OSBPL9: variants seen among roughly 807,000 people sequenced by gnomAD.
OSBPL9 encodes the protein oxysterol binding protein like 9.
A neutral mutation model predicts 106.6 loss-of-function variants in OSBPL9; 40 were observed. That is an observed-to-expected ratio of 0.38 (90% CI 0.29 to 0.49). The LOEUF (loss-of-function observed/expected upper bound fraction) is 0.49, where lower values mean the gene tolerates loss of function less well. Ranked by LOEUF, OSBPL9 falls within the 20% of genes least tolerant of loss-of-function variation. The probability of loss-of-function intolerance (pLI) is 0.97; values close to 1 mark genes in which losing one functional copy is unlikely to be tolerated. For synonymous variants in OSBPL9, 269 were observed against 295.4 expected, an observed-to-expected ratio of 0.91 and a Z score of 0.92; for missense variants, 609 against 887.2, an observed-to-expected ratio of 0.69 and a Z score of 3.98.
intron 4 of OSBPL9, among the ~76,000 whole-genome samples, chr1:51,744,759 T>C (rs1391168039): frequency 6.6e-6 from 1 of 152,160 alleles, no homozygotes; most frequent in African/African-American, 2.4e-5. Flanking sequence ...CAGAGAAGAT[T>C]AAGAACTCAA....
At chr1:51,763,757 A>G (rs1330250256) in intron 11 of OSBPL9, among the ~76,000 whole-genome samples, 2 of 152,176 alleles carry the variant, frequency 1.3e-5, no homozygotes, top group Non-Finnish European at 2.9e-5. Flanking sequence ...ATGAAATTGA[A>G]ATATTTTGGC....
At chr1:51,549,307 ATTCT>A in the OSBPL9 span, among the ~76,000 whole-genome samples, 1 of 152,158 alleles carries the variant, frequency 6.6e-6, no homozygotes, top group East Asian at 1.9e-4. Context: ...ACACTCATGC[ATTCT>A]TTAAGAGCCG....
rs375509078 is a variant in OSBPL9, at chr1:51,642,024, T to C, written c.112-9967T>C. ...GATGGTAGCTAGCGTAAAGGCCAAA[T>C]GTTTTTTTTTCCTTTGAGGCAGGTT... is the stretch of plus-strand genomic sequence containing the variant. On this transcript the variant is annotated intron_variant, in intron 1 of 23. Transcript: ENST00000428468. Among the ~76,000 whole-genome samples, 9 of 152,266 alleles carry C rather than the reference T, an allele frequency of 5.9e-5. No individual in the cohort carries two copies. The South Asian group carries it at 1.9e-3, about 32-fold the overall frequency.
At chr1:51,681,049 T>G (rs968456680) in intron 3 of OSBPL9, among the ~76,000 whole-genome samples, 7 of 152,194 alleles carry the variant, frequency 4.6e-5, no homozygotes, top group Admixed American at 3.9e-4. Flanking sequence ...TTTTTTTATA[T>G]CCTCCTTTTT....
At chr1:51,643,943 G>T (rs1645976328) in intron 1 of OSBPL9, among the ~76,000 whole-genome samples, 1 of 151,792 alleles carries the variant, frequency 6.6e-6, no homozygotes, top group African/African-American at 2.4e-5. Flanking sequence ...AGCTGGGTGT[G>T]GTGGCACATG....
At chr1:51,725,693 T>G (rs2148924084) in intron 4 of OSBPL9, among the ~76,000 whole-genome samples, 1 of 152,282 alleles carries the variant, frequency 6.6e-6, no homozygotes, top group Non-Finnish European at 1.5e-5. Flanking sequence ...GGGTATATAT[T>G]AAATACTTTC....
chr1:51,736,039 A>G (rs1557766938), intron 4 of OSBPL9, among the ~76,000 whole-genome samples: 1 of 152,116 alleles, frequency 6.6e-6, no homozygotes, highest in Non-Finnish European at 1.5e-5. Flanking sequence ...TAGTTCCTTG[A>G]TTACTTTTTG....
At chr1:51,698,394 A>G (rs1048676315) in intron 3 of OSBPL9, among the ~76,000 whole-genome samples, 13 of 152,196 alleles carry the variant, frequency 8.5e-5, no homozygotes, top group African/African-American at 3.1e-4. Flanking sequence ...CAGACAGAAA[A>G]ATATCAATGT....
At chr1:51,638,540 T>C (rs1645592556) in intron 1 of OSBPL9, among the ~76,000 whole-genome samples, 1 of 151,566 alleles carries the variant, frequency 6.6e-6, no homozygotes, top group Non-Finnish European at 1.5e-5. Flanking sequence ...CTGAGCAACA[T>C]AGTGAGACTC....
In OSBPL9 at chr1:51,782,526, A is replaced by T. The variant is rs776697502; in HGVS notation, c.1429-33A>T. The T allele has an allele frequency of 9.4e-6, 15 of 1,599,576 alleles. No individual in the cohort carries two copies. The South Asian group carries it at 1.7e-4, about 18-fold the overall frequency. On this transcript the variant is annotated intron_variant, in intron 16 of 23. Coordinates refer to ENST00000428468, the MANE Select transcript of OSBPL9 (RefSeq NM_024586.6). ...TCTGAAATGTCATTTGTGTTTTCTC[A>T]TCAAAAGAAAATTATGTTATATTTG... is the stretch of plus-strand genomic sequence containing the variant.
intron 9 of OSBPL9, among the ~76,000 whole-genome samples, chr1:51,759,300 T>C (rs2149058957): frequency 6.6e-6 from 1 of 152,096 alleles, no homozygotes; most frequent in South Asian, 2.1e-4. Flanking sequence ...GAGGGCTGGG[T>C]TTTTTTGGTT....
At chr1:51,648,643 G>C (rs1209933153) in intron 1 of OSBPL9, among the ~76,000 whole-genome samples, 1 of 152,204 alleles carries the variant, frequency 6.6e-6, no homozygotes, top group Non-Finnish European at 1.5e-5. Context: ...AGGATAATTT[G>C]ATGCTATTAC....
intron 1 of OSBPL9, among the ~76,000 whole-genome samples, chr1:51,585,377 C>A (rs1423618304): frequency 2.0e-5 from 3 of 152,248 alleles, no homozygotes; most frequent in Middle Eastern, 6.8e-3. Context: ...ATAATAATTA[C>A]TTTGCAGAGC....
intron 22 of OSBPL9, 29 bp from the exon 23 acceptor site, chr1:51,787,324 T>C (rs1557882564): frequency 3.7e-6 from 6 of 1,602,126 alleles, no homozygotes; most frequent in Non-Finnish European, 5.1e-6. Context: ...TTCTCAACAT[T>C]GGCAGCTCCT....
the OSBPL9 span, among the ~76,000 whole-genome samples, chr1:51,571,153 CTT>C: frequency 2.6e-4 from 39 of 152,262 alleles, no homozygotes; most frequent in African/African-American, 9.1e-4. Flanking sequence ...ATTTCAGTCT[CTT>C]TGAATAATTT....
At chr1:51,778,491 G>A (rs914286390) in intron 15 of OSBPL9, among the ~76,000 whole-genome samples, 2 of 152,278 alleles carry the variant, frequency 1.3e-5, no homozygotes, top group South Asian at 4.1e-4. Flanking sequence ...ATCTGTATAA[G>A]TATCAAAGGA....
chr1:51,705,398 T>C (rs1200760877), intron 3 of OSBPL9, among the ~76,000 whole-genome samples: 1 of 68,760 alleles, frequency 1.5e-5, no homozygotes, highest in African/African-American at 6.1e-5. Flanking sequence ...TATATATATA[T>C]ATTTTTTTTT....
intron 1 of OSBPL9, among the ~76,000 whole-genome samples, chr1:51,647,381 G>A (rs145097563): frequency 1.3e-5 from 2 of 151,912 alleles, no homozygotes; most frequent in Non-Finnish European, 2.9e-5. Flanking sequence ...TGTTTTTTAC[G>A]TACGATTTTT....
Position 51,787,278 on chromosome 1 carries a change from G to T in OSBPL9, c.2001-75G>T, listed in dbSNP as rs947068602. 4.2e-6 allele frequency: 6 copies of T among 1,443,812 alleles called. No individual in the cohort carries two copies. The African/African-American group carries it at 5.7e-5, about 14-fold the overall frequency. 89.4% of individuals were successfully genotyped at this position (1,443,812 alleles called of 1,614,324 possible). ...TACAGCACTTAAAGCCATTTGACTT[G>T]TATTATACTATATTCAGGATGGCTG... is the stretch of plus-strand genomic sequence containing the variant. On this transcript the variant is annotated intron_variant, in intron 22 of 23. Transcript: ENST00000428468.
Sources: allele counts gnomAD v4.1 joint callset (sites outside exome capture counted in the v4.1 genomes callset), GRCh38; gene constraint gnomAD v4.1.1; transcripts MANE v1.5; gene names NCBI Gene and HGNC (gene_info 2026-07-23, HGNC 2026-07-21).